Variants in VAV3 observed in about 807,000 individuals in gnomAD.
VAV3 encodes the protein guanine nucleotide exchange factor VAV3.
Under a neutral mutation model 131.2 loss-of-function variants are expected in VAV3, and 94 were observed. That is an observed-to-expected ratio of 0.72 (90% CI 0.61 to 0.85). VAV3 has a LOEUF of 0.85. Ranked by LOEUF, VAV3 falls within the 40% of genes least tolerant of loss-of-function variation. The pLI, the probability that VAV3 is intolerant of heterozygous loss-of-function variation, is 0.00. For synonymous variants in VAV3, 349 were observed against 342.0 expected (o/e 1.02, Z -0.22); for missense variants, 939 against 1,002.7 (o/e 0.94, Z 0.86).
intron 1 of VAV3, among the ~76,000 whole-genome samples, chr1:107,891,775 G>T (rs1671320114): frequency 6.8e-6 from 1 of 147,836 alleles, no homozygotes. Context: ...GGAGGCAGAG[G>T]TTGCAGTGTG....
At chr1:107,962,072 G>A (rs1244810997) in intron 1 of VAV3, among the ~76,000 whole-genome samples, 1 of 152,152 alleles carries the variant, frequency 6.6e-6, no homozygotes, top group South Asian at 2.1e-4. Context: ...TGTCACAAAA[G>A]TCAGAAGTGA....
intron 19 of VAV3, among the ~76,000 whole-genome samples, chr1:107,674,228 T>C (rs987782783): frequency 3.9e-5 from 6 of 152,228 alleles, no homozygotes; most frequent in African/African-American, 1.4e-4. Context: ...TTCCAAACTG[T>C]TAAGCAGAGT....
At position 107,760,781 on chromosome 1, in the gene VAV3, T is replaced by C. The variant is rs1314415847; in HGVS notation, c.1017+3A>G. 2 of 1,606,724 alleles carry C rather than the reference T, an allele frequency of 1.2e-6. No homozygotes were observed. Among genetic ancestry groups the C allele is most frequent in the East Asian group, 2.2e-5 (1 of 44,800 alleles). The stretch of plus-strand genomic sequence containing the variant: ...AATAAATAAACTGTTTTAAGTTACA[T>C]ACCTGGAGGAGAAGGTGGTACTTTA... On this transcript the variant is annotated splice_donor_region_variant and intron_variant, in intron 10 of 26. Coordinates refer to ENST00000370056, the MANE Select transcript of VAV3 (RefSeq NM_006113.5).
intron 20 of VAV3, among the ~76,000 whole-genome samples, chr1:107,621,949 T>C (rs375109866): frequency 1.3e-5 from 2 of 152,302 alleles, no homozygotes. Context: ...TGAAAATACA[T>C]TCTTTGGAAA....
chr1:107,931,754 C>T (rs1366893403), intron 1 of VAV3, among the ~76,000 whole-genome samples: 1 of 152,166 alleles, frequency 6.6e-6, no homozygotes, highest in Non-Finnish European at 1.5e-5. Context: ...TAACAGTCAG[C>T]TCATGCTGAG....
chr1:107,752,515 G>A (rs1170299751), intron 12 of VAV3, among the ~76,000 whole-genome samples: 1 of 152,142 alleles, frequency 6.6e-6, no homozygotes, highest in African/African-American at 2.4e-5. Context: ...AGAGTGAAAA[G>A]CCAACAGACA....
chr1:107,898,829 T>C (rs529207156), intron 1 of VAV3, among the ~76,000 whole-genome samples: 1 of 152,188 alleles, frequency 6.6e-6, no homozygotes, highest in Non-Finnish European at 1.5e-5. Context: ...TAAACTATTC[T>C]AAGCAATGTA....
intron 1 of VAV3, among the ~76,000 whole-genome samples, chr1:107,929,631 G>GT (rs1428124600): frequency 6.6e-6 from 1 of 152,126 alleles, no homozygotes; most frequent in African/African-American, 2.4e-5. Flanking sequence ...TTTCCAGACA[G>GT]ACAGTACAAT....
At chr1:107,746,880 CTCT>C (rs1373355674) in intron 15 of VAV3, among the ~76,000 whole-genome samples, 1 of 105,684 alleles carries the variant, frequency 9.5e-6, no homozygotes, top group Non-Finnish European at 1.9e-5. Context: ...CTTGTCAAAT[CTCT>C]TTTTTTTTTT....
rs570313961 is a variant in VAV3 at position 107,943,182 on chromosome 1, TTTTTA to T, written c.204+21479_204+21483del. ...GTCACTTCTGGCCATCTTTTTTTCC[TTTTTA>T]TTTTTAGTTCATATGTAATAAATTT... is the stretch of plus-strand genomic sequence containing the variant. On this transcript the variant is annotated intron_variant, in intron 1 of 26. Transcript: ENST00000370056. 7.7e-3 allele frequency among the ~76,000 whole-genome samples: 1,175 copies of T among 152,290 alleles called. 23 individuals are homozygous for T. The highest frequency in any genetic ancestry group is 0.027 in the African/African-American group (1,125 of 41,554).
chr1:107,948,852 T>A (rs200179204), intron 1 of VAV3, among the ~76,000 whole-genome samples: 1 of 151,344 alleles, frequency 6.6e-6, no homozygotes, highest in Non-Finnish European at 1.5e-5. Flanking sequence ...AAAAAAAAAA[T>A]AAACAAACAA....
intron 2 of VAV3, among the ~76,000 whole-genome samples, chr1:107,822,354 A>G (rs1400467972): frequency 1.3e-5 from 2 of 151,432 alleles, no homozygotes; most frequent in South Asian, 2.1e-4. Flanking sequence ...AAAAGAGGGG[A>G]AAAAAAAATA....
At chr1:107,828,718 T>C (rs532900240) in intron 2 of VAV3, among the ~76,000 whole-genome samples, 2 of 152,328 alleles carry the variant, frequency 1.3e-5, no homozygotes, top group Non-Finnish European at 2.9e-5. Context: ...AGGACCCATA[T>C]GATTACATTG....
intron 19 of VAV3, among the ~76,000 whole-genome samples, chr1:107,649,323 G>C (rs1655982536): frequency 6.6e-6 from 1 of 152,086 alleles, no homozygotes; most frequent in Admixed American, 6.6e-5. Context: ...AGGAGGCCAA[G>C]AGAGACAGTC....
chr1:107,819,408 G>A lies in VAV3; in HGVS notation c.322-39916C>T, dbSNP rs1004720030. On this transcript the variant is annotated intron_variant, in intron 2 of 26. Transcript: ENST00000370056. ...ATATTAGAGACAGGCACAGTGGCTT[G>A]AGGCTATAATCCCAGCTACTTGGGA... is the stretch of plus-strand genomic sequence containing the variant. Among the ~76,000 whole-genome samples the A allele has an allele frequency of 5.3e-5, 8 of 151,876 alleles. No homozygotes were observed. The South Asian group carries it at 8.3e-4, about 16-fold the overall frequency.
chr1:107,779,745 C>T (rs1294218187), intron 2 of VAV3, among the ~76,000 whole-genome samples: 1 of 152,026 alleles, frequency 6.6e-6, no homozygotes, highest in Non-Finnish European at 1.5e-5. Context: ...GTTGCAGATT[C>T]TATATCAGTA....
chr1:107,724,615 A>G (rs1297069358), intron 15 of VAV3, among the ~76,000 whole-genome samples: 1 of 152,162 alleles, frequency 6.6e-6, no homozygotes, highest in African/African-American at 2.4e-5. Context: ...GGACAATCCT[A>G]CAGTATAGGA....
intron 19 of VAV3, among the ~76,000 whole-genome samples, chr1:107,658,962 C>T (rs1167692091): frequency 6.6e-6 from 1 of 152,148 alleles, no homozygotes; most frequent in Admixed American, 6.5e-5. Context: ...AATTAGATCC[C>T]ATTTGTCAAT....
In VAV3 at chr1:107,888,561, C is replaced by T. The variant is rs185609737; in HGVS notation, c.205-13544G>A. On this transcript the variant is annotated intron_variant, in intron 1 of 26. Transcript: ENST00000370056. ...GCAACCTCCACCTCCCAGGTTCATG[C>T]GATTCTCCTGCCTCAGACTCCCAAG... Among the ~76,000 whole-genome samples the T allele has an allele frequency of 3.0e-4, 46 of 152,260 alleles. 1 individual carries two copies. The highest frequency in any genetic ancestry group is 5.1e-4 in the Non-Finnish European group (35 of 68,012).
Sources: gnomAD v4.1 joint callset for allele counts (sites outside exome capture counted in the v4.1 genomes callset) on GRCh38, gnomAD v4.1.1 for gene constraint, MANE v1.5 for transcripts, NCBI Gene and HGNC (gene_info 2026-07-23, HGNC 2026-07-21) for gene names.